Variants in XKR6 observed in about 807,000 individuals in gnomAD.
The protein encoded by XKR6 is XK-related protein 6.
Under a neutral mutation model 56.7 loss-of-function variants are expected in XKR6, and 22 were observed. That is an observed-to-expected ratio of 0.39 (90% CI 0.28 to 0.55). XKR6 has a LOEUF of 0.55. Ranked by LOEUF, XKR6 falls within the 20% of genes least tolerant of loss-of-function variation. The pLI, the probability that XKR6 is intolerant of heterozygous loss-of-function variation, is 0.66. For missense variants in XKR6, 852 were observed against 889.0 expected, an observed-to-expected ratio of 0.96 and a Z score of 0.53; for synonymous variants, 524 against 387.8, an observed-to-expected ratio of 1.35 and a Z score of -4.13.
chr8:11,134,028 G>T (rs921144994), intron 1 of XKR6, among the ~76,000 whole-genome samples: 2 of 152,088 alleles, frequency 1.3e-5, no homozygotes, highest in Non-Finnish European at 2.9e-5. Flanking sequence ...GCATCCTTCA[G>T]GCCCACAGCC....
At chr8:11,157,194 G>A (rs1212642137) in intron 1 of XKR6, among the ~76,000 whole-genome samples, 1 of 152,148 alleles carries the variant, frequency 6.6e-6, no homozygotes, top group Non-Finnish European at 1.5e-5. Flanking sequence ...GAAAGACCAA[G>A]AAACTGTTGC....
intron 1 of XKR6, among the ~76,000 whole-genome samples, chr8:10,985,552 C>T (rs1237107157): frequency 6.7e-6 from 1 of 150,334 alleles, no homozygotes; most frequent in Non-Finnish European, 1.5e-5. Flanking sequence ...TCAAAAATTA[C>T]CAAAACTTAC....
At chr8:11,021,435 G>C (rs577043801) in intron 1 of XKR6, among the ~76,000 whole-genome samples, 5 of 152,350 alleles carry the variant, frequency 3.3e-5, no homozygotes, top group Non-Finnish European at 2.9e-5. Context: ...CATGGACAGA[G>C]ACACTGCCTT....
chr8:11,107,299 A>C (rs2129178116), intron 1 of XKR6, among the ~76,000 whole-genome samples: 1 of 152,154 alleles, frequency 6.6e-6, no homozygotes, highest in Non-Finnish European at 1.5e-5. Flanking sequence ...TCCTGGGCTC[A>C]AGAGATCCTC....
In XKR6 at chr8:11,040,628, T is replaced by C. The variant is rs116969789; in HGVS notation, c.765-115798A>G. Among the ~76,000 whole-genome samples the C allele has an allele frequency of 5.6e-3, 846 of 152,266 alleles. 4 individuals are homozygous for C. The highest frequency in any genetic ancestry group is 1.0e-2 in the Non-Finnish European group (678 of 68,010). The stretch of plus-strand genomic sequence containing the variant: ...CTTGGGAGTCCAAGATGAAGGCAGA[T>C]TTGGTGTCTGGTGAGGGCTCTCCTG... On this transcript the variant is annotated intron_variant, in intron 1 of 2. Coordinates refer to ENST00000416569, the MANE Select transcript of XKR6 (RefSeq NM_173683.4).
intron 1 of XKR6, among the ~76,000 whole-genome samples, chr8:11,131,874 G>A (rs116207936): frequency 2.1e-3 from 323 of 152,286 alleles, no homozygotes; most frequent in African/African-American, 7.5e-3. Context: ...GACAGTGTAG[G>A]TGTGCAGTAG....
chr8:10,982,984 T>C (rs1456592558), intron 1 of XKR6, among the ~76,000 whole-genome samples: 2 of 152,212 alleles, frequency 1.3e-5, no homozygotes, highest in African/African-American at 4.8e-5. Context: ...TATTTTCTTA[T>C]TTGTGAAATG....
At chr8:11,090,965 G>A (rs981766159) in intron 1 of XKR6, among the ~76,000 whole-genome samples, 15 of 152,130 alleles carry the variant, frequency 9.9e-5, no homozygotes, top group Middle Eastern at 3.2e-3. Context: ...TAACCCAGCT[G>A]TAATGGAAAA....
At position 10,969,338 on chromosome 8, in the gene XKR6, A is replaced by G. The variant is rs138880287; in HGVS notation, c.765-44508T>C. Reference sequence around the variant, plus strand: ...CCAGACTTTTAGAAATTATGCTCCAATAGTCTCAGATCAAGTTAGATCTGG... The same window carrying G: ...CCAGACTTTTAGAAATTATGCTCCAGTAGTCTCAGATCAAGTTAGATCTGG... On this transcript the variant is annotated intron_variant, in intron 1 of 2. Coordinates refer to ENST00000416569, the MANE Select transcript of XKR6 (RefSeq NM_173683.4). Among the ~76,000 whole-genome samples the G allele has an allele frequency of 2.0e-3, 299 of 152,308 alleles. 2 individuals are homozygous for G. The highest frequency in any genetic ancestry group is 6.8e-3 in the African/African-American group (281 of 41,554).
At chr8:11,144,566 G>A (rs1800882354) in intron 1 of XKR6, among the ~76,000 whole-genome samples, 1 of 151,976 alleles carries the variant, frequency 6.6e-6, no homozygotes, top group Admixed American at 6.6e-5. Flanking sequence ...TGACTAACGA[G>A]CAGTTTGAGT....
At chr8:10,957,151 A>C (rs1054534927) in intron 1 of XKR6, among the ~76,000 whole-genome samples, 1 of 152,104 alleles carries the variant, frequency 6.6e-6, no homozygotes, top group Non-Finnish European at 1.5e-5. Context: ...GGGTTTCACC[A>C]TGTGGGCCAG....
At chr8:11,002,848 T>A (rs151003384) in intron 1 of XKR6, among the ~76,000 whole-genome samples, 18 of 152,178 alleles carry the variant, frequency 1.2e-4, no homozygotes, top group East Asian at 7.7e-4. Flanking sequence ...CCAGATGGGA[T>A]ATAAAAGTCA....
intron 1 of XKR6, among the ~76,000 whole-genome samples, chr8:11,091,408 G>C (rs1445244023): frequency 6.6e-6 from 1 of 151,378 alleles, no homozygotes; most frequent in East Asian, 1.9e-4. Context: ...CTGCACTCCA[G>C]TCTGGGCAAC....
chr8:10,964,543 C>A (rs74464418), intron 1 of XKR6, among the ~76,000 whole-genome samples: 1 of 152,176 alleles, frequency 6.6e-6, no homozygotes, highest in African/African-American at 2.4e-5. Flanking sequence ...CTTCAGTCAG[C>A]GAAAATGGCA....
At chr8:11,084,294 G>A (rs973040312) in intron 1 of XKR6, among the ~76,000 whole-genome samples, 3 of 152,178 alleles carry the variant, frequency 2.0e-5, no homozygotes, top group Non-Finnish European at 2.9e-5. Flanking sequence ...ACTGCTCCCG[G>A]TAATTCTGAG....
Position 11,127,724 on chromosome 8 carries a change from A to G in XKR6, c.764+72852T>C, listed in dbSNP as rs111333135. Among the ~76,000 whole-genome samples the G allele has an allele frequency of 1.2e-3, 188 of 152,136 alleles. No homozygotes were observed. The Middle Eastern group carries it at 0.017, about 14-fold the overall frequency. On this transcript the variant is annotated intron_variant, in intron 1 of 2. Coordinates refer to ENST00000416569, the MANE Select transcript of XKR6 (RefSeq NM_173683.4). ...TCCTGGATAACTGCTTCATCCCCAA[A>G]TCCTTAATCACCTCTGTAAAGTCTC...
intron 1 of XKR6, chr8:11,137,552 TG>T (rs1344979894): frequency 2.2e-6 from 1 of 456,226 alleles, no homozygotes; most frequent in East Asian, 7.0e-5. Context: ...ATCACCCCAG[TG>T]TTCTGGAAGA....
rs199694403 is a variant in XKR6, at chr8:11,040,358, C to CT, written c.765-115529dup. Among the ~76,000 whole-genome samples the CT allele has an allele frequency of 9.6e-3, 1,032 of 107,644 alleles. 10 individuals are homozygous for CT. Among genetic ancestry groups the CT allele is most frequent in the African/African-American group, 0.049 (978 of 20,056 alleles). The allele number at this position is 107,644 out of a possible 152,430, so 70.6% of individuals were successfully genotyped here. A position where few individuals can be genotyped will look rare whatever the true frequency, so the allele number is the denominator to read the frequency against. ...GCAACATAAGCAGATCTCATGTCTG[C>CT]TAAAAAAAAAAAAAAAAAAAAAAAT... On this transcript the variant is annotated intron_variant, in intron 1 of 2. Coordinates refer to ENST00000416569, the MANE Select transcript of XKR6 (RefSeq NM_173683.4).
At chr8:11,113,251 A>T (rs574704128) in intron 1 of XKR6, among the ~76,000 whole-genome samples, 42 of 152,316 alleles carry the variant, frequency 2.8e-4, no homozygotes, top group Middle Eastern at 3.4e-3. Context: ...CTGAACTCCA[A>T]GCAAAAACCT....
Sources: gnomAD v4.1 joint callset for allele counts (sites outside exome capture counted in the v4.1 genomes callset) on GRCh38, gnomAD v4.1.1 for gene constraint, MANE v1.5 for transcripts, NCBI Gene and HGNC (gene_info 2026-07-23, HGNC 2026-07-21) for gene names.